PDZD8: variants seen among roughly 807,000 people sequenced by gnomAD.
PDZD8 encodes PDZ domain containing 8.
In PDZD8, 14 loss-of-function variants were observed where a neutral mutation model predicts 85.8. The observed-to-expected ratio is 0.16, with a 90% CI of 0.11 to 0.26. The LOEUF (loss-of-function observed/expected upper bound fraction) is 0.26. Ranked by LOEUF, PDZD8 falls within the 10% of genes least tolerant of loss-of-function variation. The pLI is 1.00. For missense variants in PDZD8, 1,197 were observed against 1,424.3 expected, an observed-to-expected ratio of 0.84 and a Z score of 2.57; for synonymous variants, 592 against 568.6, an observed-to-expected ratio of 1.04 and a Z score of -0.59.
At chr10:117,329,702 C>G (rs1039873580) in intron 2 of PDZD8, among the ~76,000 whole-genome samples, 1 of 151,670 alleles carries the variant, frequency 6.6e-6, no homozygotes, top group Non-Finnish European at 1.5e-5. Context: ...TCCCAGCACT[C>G]GGAGAGGCCA....
intron 2 of PDZD8, among the ~76,000 whole-genome samples, chr10:117,336,850 G>A (rs1374981441): frequency 6.6e-6 from 1 of 151,830 alleles, no homozygotes; most frequent in Non-Finnish European, 1.5e-5. Flanking sequence ...AATGTCAACT[G>A]CTGTGGTTTT....
intron 3 of PDZD8, among the ~76,000 whole-genome samples, chr10:117,293,561 C>A (rs952020855): frequency 6.6e-6 from 1 of 152,004 alleles, no homozygotes; most frequent in Non-Finnish European, 1.5e-5. Flanking sequence ...AACATGGTAA[C>A]AAATTCCTCC....
At position 117,278,799 on chromosome 10, in the gene PDZD8, GT is replaced by G. The variant is rs1228244619; in HGVS notation, c.*4468del. 2 of 152,214 alleles carry G rather than the reference GT, an allele frequency of 1.3e-5. No individual in the cohort carries two copies. Among genetic ancestry groups the G allele is most frequent in the Admixed American group, 1.3e-4 (2 of 15,280 alleles). The allele number at this position is 152,214 out of a possible 1,614,324, so 9.4% of individuals were successfully genotyped here. ...CAAGTCTGGTTTCTAAGTGCAGTGT[GT>G]TTGAAGCAAACGAACTTCCAACTCA... On this transcript the variant is annotated 3_prime_UTR_variant, in exon 5 of 5. Coordinates refer to ENST00000334464, the MANE Select transcript of PDZD8 (RefSeq NM_173791.5).
Position 117,285,181 on chromosome 10 carries a change from A to G in PDZD8, c.1552T>C (p.Leu518=). 6.2e-7 allele frequency: 1 copy of G among 1,614,194 alleles called. No individual in the cohort carries two copies. The highest frequency in any genetic ancestry group is 8.5e-7 in the Non-Finnish European group (1 of 1,180,030). The part of the protein sequence containing the change: ...QNEFKDEAQS[L]SHSPKRVPTT... ...GGAACACGTTTGGGACTATGACTTAATGATTGTGCCTCATCTTTGAACTCA... is the reference window on the plus strand; with the variant it reads ...GGAACACGTTTGGGACTATGACTTAGTGATTGTGCCTCATCTTTGAACTCA... Residue 518 remains leucine, a synonymous_variant, in exon 5 of 5, where the codon TTA becomes CTA. Transcript: ENST00000334464.
At chr10:117,322,285 C>T (rs1844238721) in intron 2 of PDZD8, among the ~76,000 whole-genome samples, 1 of 152,168 alleles carries the variant, frequency 6.6e-6, no homozygotes, top group Non-Finnish European at 1.5e-5. Context: ...TTTCTGATGA[C>T]CCATGACCCA....
chr10:117,297,848 T>G (rs1276910895), intron 3 of PDZD8, among the ~76,000 whole-genome samples: 2 of 152,114 alleles, frequency 1.3e-5, no homozygotes, highest in Non-Finnish European at 2.9e-5. Context: ...GTAAATTTTA[T>G]TGTTTAAATT....
intron 3 of PDZD8, among the ~76,000 whole-genome samples, chr10:117,309,394 TA>T (rs57766522): frequency 0.12 from 6,946 of 58,732 alleles, 194 homozygotes; most frequent in African/African-American, 0.14. Context: ...CAGTAAAAAT[TA>T]AAAAAAAAAA....
chr10:117,284,887 C>A lies in PDZD8; in HGVS notation c.1846G>T (p.Val616Phe), dbSNP rs533953403. The change falls in exon 5 of 5, where the codon GTT (valine) becomes TTT (phenylalanine). Residue 616 changes from valine to phenylalanine, a missense_variant. By Grantham distance (50) the Val-to-Phe change is conservative. This residue lies in a region of PDZD8 where 263 missense variants were observed against 261.9 expected (regional missense o/e 1.00). Transcript: ENST00000334464. Reference protein sequence around the residue: ...APNQAEPDVLVEKPEKVVPPP... With the variant: ...APNQAEPDVLFEKPEKVVPPP... ...GGCACCACCTTCTCTGGCTTTTCAA[C>A]GAGAACATCTGGTTCTGCCTGATTT... The A allele has an allele frequency of 2.5e-6, 4 of 1,614,162 alleles. No homozygotes were observed. The highest frequency in any genetic ancestry group is 3.4e-6 in the Non-Finnish European group (4 of 1,180,032).
chr10:117,312,416 C>G (rs1404641913), intron 3 of PDZD8, among the ~76,000 whole-genome samples: 1 of 152,106 alleles, frequency 6.6e-6, no homozygotes, highest in East Asian at 1.9e-4. Context: ...AGATTTTTAT[C>G]TCAAAAGTTC....
At chr10:117,298,808 G>A (rs187093486) in intron 3 of PDZD8, among the ~76,000 whole-genome samples, 217 of 152,270 alleles carry the variant, frequency 1.4e-3, no homozygotes, top group Non-Finnish European at 2.3e-3. Context: ...CTGCAAAGCT[G>A]GGCATCATTA....
Position 117,283,600 on chromosome 10 carries a change from T to G in PDZD8, c.3133A>C (p.Asn1045His). 2.5e-6 allele frequency: 4 copies of G among 1,614,212 alleles called. No homozygotes were observed. Among genetic ancestry groups the G allele is most frequent in the Non-Finnish European group, 3.4e-6 (4 of 1,180,044 alleles). The change falls in exon 5 of 5, where the codon AAT becomes CAT. Residue 1045 changes from asparagine (N) to histidine (H), a missense_variant. Physicochemically the swap from Asn to His is moderately conservative, Grantham distance 68 (BLOSUM62 1). Transcript: ENST00000334464. ...TGTTCCAACTCCTGATCAATTTCAT[T>G]CTGTAGCTTATCCAACATGAACTCT... The part of the protein sequence containing the change: ...KLEFMLDKLQ[N>H]EIDQELEHNN...
In PDZD8 at chr10:117,351,861, T is replaced by C. The variant is rs147429241; in HGVS notation, c.873-10759A>G. Among the ~76,000 whole-genome samples, 679 of 152,190 alleles carry C rather than the reference T, an allele frequency of 4.5e-3. 3 individuals are homozygous for C. Among genetic ancestry groups the C allele is most frequent in the Non-Finnish European group, 7.0e-3 (475 of 68,008 alleles). ...GGCTACCACACCCAGTTATTTTTTGTAGAGGTGAGGTCTTGCTATATTGCT... is the reference window on the plus strand; with the variant it reads ...GGCTACCACACCCAGTTATTTTTTGCAGAGGTGAGGTCTTGCTATATTGCT... On this transcript the variant is annotated intron_variant, in intron 1 of 4. Transcript: ENST00000334464.
Position 117,299,984 on chromosome 10 carries a change from C to G in PDZD8, c.1099-9636G>C, listed in dbSNP as rs566946606. ...GCCTACATTTTTAAAACAACAGAAC[C>G]ACCACTTCTTTCAGCTATTACACGG... On this transcript the variant is annotated intron_variant, in intron 3 of 4. Transcript: ENST00000334464. Among the ~76,000 whole-genome samples the G allele has an allele frequency of 9.2e-5, 14 of 152,148 alleles. No homozygotes were observed. In the South Asian group the frequency reaches 2.9e-3, roughly 32 times the overall value.
At chr10:117,349,765 C>T (rs190460686) in intron 1 of PDZD8, among the ~76,000 whole-genome samples, 160 of 151,810 alleles carry the variant, frequency 1.1e-3, no homozygotes, top group Non-Finnish European at 2.0e-3. Flanking sequence ...ATCACAACAC[C>T]GCACTTCAGC....
At position 117,315,216 on chromosome 10, in the gene PDZD8, TGAAGA is replaced by T. The variant is rs147777286; in HGVS notation, c.1098+3651_1098+3655del. On this transcript the variant is annotated intron_variant, in intron 3 of 4. Transcript: ENST00000334464. ...CAAGTGAGTCAGTGTGGATAAATGATGAAGAGAAGATACAGAAGGCACAGGCAGAC... is the reference window on the plus strand; with the variant it reads ...CAAGTGAGTCAGTGTGGATAAATGATGAAGATACAGAAGGCACAGGCAGAC... Among the ~76,000 whole-genome samples, 288 of 152,110 alleles carry T rather than the reference TGAAGA, an allele frequency of 1.9e-3. 2 individuals carry two copies. The highest frequency in any genetic ancestry group is 6.7e-3 in the African/African-American group (277 of 41,488).
intron 3 of PDZD8, among the ~76,000 whole-genome samples, chr10:117,301,316 A>AAAC (rs1477320331): frequency 6.6e-6 from 1 of 152,164 alleles, no homozygotes; most frequent in African/African-American, 2.4e-5. Context: ...ACCAGTATAC[A>AAAC]AATCACCTTT....
chr10:117,343,855 C>T (rs1844658747), intron 1 of PDZD8, among the ~76,000 whole-genome samples: 1 of 152,178 alleles, frequency 6.6e-6, no homozygotes, highest in Admixed American at 6.5e-5. Context: ...ATAGAATCCA[C>T]ACATTAACAT....
At chr10:117,293,530 C>T (rs1300461122) in intron 3 of PDZD8, among the ~76,000 whole-genome samples, 1 of 151,970 alleles carries the variant, frequency 6.6e-6, no homozygotes, top group Non-Finnish European at 1.5e-5. Flanking sequence ...ACAGTAAAAT[C>T]AACTCAGTGG....
chr10:117,359,926 G>T (rs1391201522), intron 1 of PDZD8, among the ~76,000 whole-genome samples: 1 of 151,528 alleles, frequency 6.6e-6, no homozygotes, highest in South Asian at 2.1e-4. Flanking sequence ...TATTCCTACA[G>T]AGAAAAAAAA....
Sources: allele counts gnomAD v4.1 joint callset (sites outside exome capture counted in the v4.1 genomes callset), GRCh38; gene constraint gnomAD v4.1.1; regional missense constraint gnomAD v4.1.1; transcripts MANE v1.5; gene names NCBI Gene and HGNC (gene_info 2026-07-23, HGNC 2026-07-21).